NEBL: variants seen among roughly 807,000 people sequenced by gnomAD.
NEBL encodes the protein LIM and SH3 protein 2.
A neutral mutation model predicts 140.2 loss-of-function variants in NEBL; 122 were observed. That is an observed-to-expected ratio of 0.87 (90% CI 0.75 to 1.01). The LOEUF is 1.01. Ranked by LOEUF, NEBL falls within the 50% of genes least tolerant of loss-of-function variation. The probability of loss-of-function intolerance (pLI) is 0.00; values close to 1 mark genes in which losing one functional copy is unlikely to be tolerated. For synonymous variants in NEBL, 436 were observed against 398.9 expected (o/e 1.09, Z -1.11); for missense variants, 1,365 against 1,231.3 (o/e 1.11, Z -1.62).
chr10:20,925,675 G>A (rs752611373), intron 4 of NEBL, among the ~76,000 whole-genome samples: 2 of 150,702 alleles, frequency 1.3e-5, no homozygotes, highest in Non-Finnish European at 2.9e-5. Context: ...TGTTAACTAA[G>A]TTGAACTCAT....
intron 12 of NEBL, chr10:20,841,418 C>T (rs1225077878): frequency 6.5e-6 from 1 of 154,512 alleles, no homozygotes; most frequent in Non-Finnish European, 1.4e-5. Flanking sequence ...ATAGATGGTA[C>T]TTGAAAGCAG....
chr10:21,289,146 C>T (rs1843108418), intron 1 of NEBL, among the ~76,000 whole-genome samples: 1 of 151,862 alleles, frequency 6.6e-6, no homozygotes, highest in South Asian at 2.1e-4. Context: ...TGAGCCCGGC[C>T]CTTTTTATAT....
intron 2 of NEBL, among the ~76,000 whole-genome samples, chr10:21,028,720 A>G (rs1589151483): frequency 6.6e-6 from 1 of 152,300 alleles, no homozygotes; most frequent in East Asian, 1.9e-4. Context: ...CAAATCCTAA[A>G]AAAGGGAAAA....
intron 2 of NEBL, among the ~76,000 whole-genome samples, chr10:21,133,281 T>C (rs905470826): frequency 8.5e-5 from 13 of 152,216 alleles, no homozygotes; most frequent in African/African-American, 3.1e-4. Context: ...AAGGAGATGA[T>C]GTTTTTAACC....
At chr10:21,044,388 G>C (rs996457299) in intron 2 of NEBL, among the ~76,000 whole-genome samples, 1 of 50,008 alleles carries the variant, frequency 2.0e-5, no homozygotes, top group Non-Finnish European at 3.9e-5. Context: ...CTGGGTGACA[G>C]AGTAAGAATA....
At chr10:20,790,077 T>C (rs908841976) in intron 26 of NEBL, among the ~76,000 whole-genome samples, 2 of 151,918 alleles carry the variant, frequency 1.3e-5, no homozygotes, top group Non-Finnish European at 2.9e-5. Flanking sequence ...AGTAATGTAT[T>C]AGTTCTAAAT....
chr10:20,828,482 A>G (rs780099114), intron 17 of NEBL, 48 bp downstream of exon 17: 2 of 1,297,704 alleles, frequency 1.5e-6, no homozygotes, highest in Non-Finnish European at 1.1e-6. Flanking sequence ...CATTTCTTAC[A>G]AAACAAAATT....
At chr10:21,116,789 C>T (rs1838303700) in intron 2 of NEBL, among the ~76,000 whole-genome samples, 1 of 152,170 alleles carries the variant, frequency 6.6e-6, no homozygotes, top group South Asian at 2.1e-4. Context: ...CCCACCTTAA[C>T]CTCTTGAGCA....
At chr10:21,235,983 T>TA (rs1842342268) in intron 3 of NEBL, among the ~76,000 whole-genome samples, 1 of 152,146 alleles carries the variant, frequency 6.6e-6, no homozygotes, top group Non-Finnish European at 1.5e-5. Context: ...TGTTGCACAG[T>TA]CTTATGGCCC....
intron 2 of NEBL, among the ~76,000 whole-genome samples, chr10:21,108,901 C>T (rs985582851): frequency 1.4e-4 from 21 of 151,948 alleles, no homozygotes; most frequent in African/African-American, 4.6e-4. Context: ...GATCCCTTTA[C>T]CAACAATGGG....
chr10:21,252,054 TG>T (rs1174822300), intron 1 of NEBL, among the ~76,000 whole-genome samples: 1 of 152,206 alleles, frequency 6.6e-6, no homozygotes, highest in Non-Finnish European at 1.5e-5. Context: ...CTCTTCATTC[TG>T]TGTCCTCAGG....
chr10:21,155,797 G>A (rs778308856), intron 2 of NEBL, among the ~76,000 whole-genome samples: 25 of 152,178 alleles, frequency 1.6e-4, no homozygotes, highest in Non-Finnish European at 1.0e-4. Context: ...ACTATCACAT[G>A]GTCATTCGTG....
chr10:21,157,726 T>C (rs1387436809), intron 2 of NEBL, among the ~76,000 whole-genome samples: 2 of 152,180 alleles, frequency 1.3e-5, no homozygotes, highest in African/African-American at 4.8e-5. Flanking sequence ...ATTGTATATG[T>C]ATTGGAGTCC....
intron 2 of NEBL, among the ~76,000 whole-genome samples, chr10:21,090,021 C>T (rs1188590830): frequency 1.3e-5 from 2 of 152,106 alleles, no homozygotes; most frequent in Admixed American, 6.5e-5. Flanking sequence ...AGATCTCTGC[C>T]CCAAGTCCCA....
chr10:21,238,266 G>A (rs1842386868), intron 3 of NEBL, among the ~76,000 whole-genome samples: 1 of 152,166 alleles, frequency 6.6e-6, no homozygotes, highest in South Asian at 2.1e-4. Flanking sequence ...CAGGGGAAAG[G>A]GTAATTTTAT....
intron 23 of NEBL, 118 bp from the exon 24 acceptor site, chr10:20,813,058 A>G: frequency 1.2e-6 from 1 of 841,254 alleles, no homozygotes; most frequent in Non-Finnish European, 1.9e-6. Flanking sequence ...ACATGTATGT[A>G]TCTTTTCCAA....
intron 2 of NEBL, among the ~76,000 whole-genome samples, chr10:21,034,400 A>G (rs1445845457): frequency 6.6e-6 from 1 of 152,188 alleles, no homozygotes; most frequent in Non-Finnish European, 1.5e-5. Flanking sequence ...TGCTCAGAGC[A>G]GACATTACTA....
At chr10:20,960,920 T>C (rs1564463310) in intron 4 of NEBL, among the ~76,000 whole-genome samples, 1 of 152,176 alleles carries the variant, frequency 6.6e-6, no homozygotes, top group African/African-American at 2.4e-5. Flanking sequence ...TGTTTGCTCA[T>C]ACTTTTATGT....
Position 21,023,411 on chromosome 10 carries a change from G to A in NEBL, c.165-3210C>T, listed in dbSNP as rs182475221. Reference sequence around the variant, plus strand: ...CCATTTACCTTTAATTTAAAATTCTGGGCCAGGCACAGTGGCTTACCCCTG... The same window carrying A: ...CCATTTACCTTTAATTTAAAATTCTAGGCCAGGCACAGTGGCTTACCCCTG... On this transcript the variant is annotated intron_variant, in intron 2 of 6. Coordinates refer to the NEBL transcript ENST00000417816. Among the ~76,000 whole-genome samples the A allele has an allele frequency of 1.4e-3, 217 of 152,154 alleles. 1 individual carries two copies. The highest frequency in any genetic ancestry group is 2.4e-3 in the Admixed American group (36 of 15,266).
Sources: gnomAD v4.1 joint callset for allele counts (sites outside exome capture counted in the v4.1 genomes callset) on GRCh38, gnomAD v4.1.1 for gene constraint, MANE v1.5 for transcripts, NCBI Gene and HGNC (gene_info 2026-07-23, HGNC 2026-07-21) for gene names.